The following KIF13B variants were observed in gnomAD, a reference collection of about 807,000 sequenced individuals.
KIF13B encodes the protein kinesin family member 13B, also known as kinesin-like protein KIF13B.
In KIF13B, 127 loss-of-function variants were observed where a neutral mutation model predicts 222.0. The observed-to-expected ratio is 0.57, with a 90% CI of 0.50 to 0.66. The LOEUF is 0.66. KIF13B is among the 30% of genes least tolerant of loss of function. The probability of loss-of-function intolerance (pLI) is 0.00; values close to 1 mark genes in which losing one functional copy is unlikely to be tolerated. For missense variants in KIF13B, 2,173 were observed against 2,379.0 expected (o/e 0.91, Z 1.80); for synonymous variants, 976 against 919.0 (o/e 1.06, Z -1.12).
intron 18 of KIF13B, among the ~76,000 whole-genome samples, chr8:29,142,731 T>C (rs918534961): frequency 3.3e-5 from 5 of 152,050 alleles, no homozygotes; most frequent in African/African-American, 1.2e-4. Flanking sequence ...GCCAGCTACT[T>C]GGGAGGCTGA....
chr8:29,105,329 C>T (rs1016605477), intron 35 of KIF13B, among the ~76,000 whole-genome samples: 8 of 152,146 alleles, frequency 5.3e-5, no homozygotes, highest in African/African-American at 1.9e-4. Flanking sequence ...CAACCTGGTT[C>T]ATCCCCAAGC....
At chr8:29,206,087 C>A (rs1275330589) in intron 2 of KIF13B, among the ~76,000 whole-genome samples, 1 of 151,634 alleles carries the variant, frequency 6.6e-6, no homozygotes, top group South Asian at 2.1e-4. Flanking sequence ...CAAGACCCCA[C>A]CTTTTAAAAA....
intron 36 of KIF13B, among the ~76,000 whole-genome samples, chr8:29,094,968 A>AT (rs1808457445): frequency 8.3e-6 from 1 of 121,044 alleles, no homozygotes; most frequent in Non-Finnish European, 2.0e-5. Context: ...AAATAAAAAG[A>AT]TTAAAAAAAA....
In KIF13B at chr8:29,140,480, G is replaced by A. The variant is rs771478410; in HGVS notation, c.2472C>T (p.Asn824=). ...VKLQYAVPII[N]QKGEVAGRLH... Reference sequence around the variant, plus strand: ...AGAGAAAACCAACCTCTCCTTTCTGGTTGATGATGGGAACAGCGTATTGTA... The same window carrying A: ...AGAGAAAACCAACCTCTCCTTTCTGATTGATGATGGGAACAGCGTATTGTA... Residue 824 remains asparagine, a synonymous_variant, in exon 20 of 40, where the codon AAC becomes AAT. Coordinates refer to ENST00000524189, the MANE Select transcript of KIF13B (RefSeq NM_015254.4). The A allele has an allele frequency of 1.2e-6, 2 of 1,613,472 alleles. No homozygotes were observed. Among genetic ancestry groups the A allele is most frequent in the Non-Finnish European group, 1.7e-6 (2 of 1,179,648 alleles).
At chr8:29,113,165 C>T (rs1318073764) in intron 32 of KIF13B, among the ~76,000 whole-genome samples, 1 of 152,234 alleles carries the variant, frequency 6.6e-6, no homozygotes, top group Non-Finnish European at 1.5e-5. Context: ...ACTGGAATCT[C>T]TATGCTACGC....
chr8:29,248,457 G>C (rs1350253370), intron 1 of KIF13B, among the ~76,000 whole-genome samples: 1 of 152,210 alleles, frequency 6.6e-6, no homozygotes, highest in Non-Finnish European at 1.5e-5. Context: ...ACAGTTTCAC[G>C]TGACTAGGGA....
rs373856268 is a variant in KIF13B at position 29,133,999 on chromosome 8, G to A, written c.2784+41C>T. On this transcript the variant is annotated intron_variant, in intron 22 of 39. Coordinates refer to ENST00000524189, the MANE Select transcript of KIF13B (RefSeq NM_015254.4). ...TTCATTTTCTGTTTTGTTTTCACAT[G>A]AGTAATCTAAATGCTGACCTACTCT... The A allele has an allele frequency of 1.5e-3, 2,417 of 1,572,092 alleles. 19 individuals are homozygous for A. The highest frequency in any genetic ancestry group is 8.9e-3 in the South Asian group (776 of 86,958).
intron 2 of KIF13B, among the ~76,000 whole-genome samples, chr8:29,207,287 T>C (rs1030343332): frequency 1.3e-5 from 2 of 152,178 alleles, no homozygotes; most frequent in Admixed American, 1.3e-4. Context: ...GCCTTTCCCA[T>C]TGTTTGCCCT....
rs1161670585 is a variant in KIF13B, at chr8:29,071,362, G to A, written c.5218+258C>T. Among the ~76,000 whole-genome samples the A allele has an allele frequency of 6.6e-6, 1 of 152,110 alleles. No individual in the cohort carries two copies. Among genetic ancestry groups the A allele is most frequent in the African/African-American group, 2.4e-5 (1 of 41,406 alleles). ...GCAGGGGAGACCGGAACAAAAGCGG[G>A]AACAGCCATGGCGATGGGGGGATGG... is the stretch of plus-strand genomic sequence containing the variant. On this transcript the variant is annotated intron_variant, in intron 39 of 39. Transcript: ENST00000524189. The surrounding 1 kb of genome is among the most constrained non-coding windows in gnomAD (Gnocchi z 4.9).
intron 37 of KIF13B, among the ~76,000 whole-genome samples, chr8:29,091,122 T>G (rs1808280939): frequency 6.6e-6 from 1 of 152,186 alleles, no homozygotes; most frequent in African/African-American, 2.4e-5. Flanking sequence ...CTGGAGTAAA[T>G]GAATAAAAAT....
intron 8 of KIF13B, among the ~76,000 whole-genome samples, chr8:29,178,023 G>A (rs535127118): frequency 1.4e-4 from 21 of 152,258 alleles, no homozygotes; most frequent in African/African-American, 5.1e-4. Context: ...ATAACACACT[G>A]TAAGAAAACT....
intron 2 of KIF13B, among the ~76,000 whole-genome samples, chr8:29,197,076 G>A (rs1270457195): frequency 2.0e-5 from 3 of 151,974 alleles, no homozygotes; most frequent in African/African-American, 7.2e-5. Flanking sequence ...GGTGGCTCAC[G>A]CCTGTAATCC....
intron 23 of KIF13B, 64 bp from the exon 24 acceptor site, chr8:29,130,729 T>C: frequency 1.4e-6 from 2 of 1,452,162 alleles, no homozygotes; most frequent in Non-Finnish European, 1.9e-6. Flanking sequence ...CAGCTTAGGG[T>C]CCTACACACA....
chr8:29,104,029 G>C (rs1025850963), intron 35 of KIF13B, among the ~76,000 whole-genome samples: 1 of 152,058 alleles, frequency 6.6e-6, no homozygotes, highest in Admixed American at 6.5e-5. Context: ...CGAAGCATGT[G>C]GATGGAGTCC....
In KIF13B at chr8:29,096,840, G is replaced by GA. The variant is rs567377761; in HGVS notation, c.4324+2292_4324+2293insT. On this transcript the variant is annotated intron_variant, in intron 36 of 39. Transcript: ENST00000524189. ...CAAACAAATACAGGTGTCCAAAAAA[G>GA]CAAAAAGAGGAAATAAAATGAGATA... Among the ~76,000 whole-genome samples the GA allele has an allele frequency of 1.6e-4, 25 of 151,932 alleles. No homozygotes were observed. The East Asian group carries it at 4.6e-3, about 28-fold the overall frequency.
intron 33 of KIF13B, 71 bp from the exon 34 acceptor site, chr8:29,109,582 G>T (rs994311419): frequency 4.8e-5 from 58 of 1,205,408 alleles, no homozygotes; most frequent in Non-Finnish European, 6.2e-6. Flanking sequence ...ACCATGTACA[G>T]CAGACTTGCA....
At chr8:29,247,395 T>A (rs1586983284) in intron 1 of KIF13B, among the ~76,000 whole-genome samples, 1 of 151,796 alleles carries the variant, frequency 6.6e-6, no homozygotes, top group African/African-American at 2.4e-5. Flanking sequence ...AAAACAAAAA[T>A]TTTTTTTAAT....
chr8:29,155,614 C>G lies in KIF13B; in HGVS notation c.1535+112G>C, dbSNP rs1283151911. The G allele has an allele frequency of 3.4e-6, 3 of 886,096 alleles. No individual in the cohort carries two copies. The Admixed American group carries it at 6.8e-5, about 20-fold the overall frequency. The allele number at this position is 886,096 out of a possible 1,614,324, so 54.9% of individuals were successfully genotyped here. ...AAATGTAAGGGGCCCGCCCAACCAACTGGATTACTTAATGTGGTCAACTTA... is the reference window on the plus strand; with the variant it reads ...AAATGTAAGGGGCCCGCCCAACCAAGTGGATTACTTAATGTGGTCAACTTA... On this transcript the variant is annotated intron_variant, in intron 14 of 39. Coordinates refer to ENST00000524189, the MANE Select transcript of KIF13B (RefSeq NM_015254.4).
intron 21 of KIF13B, among the ~76,000 whole-genome samples, chr8:29,137,155 T>C (rs1810600874): frequency 6.6e-6 from 1 of 151,558 alleles, no homozygotes; most frequent in Non-Finnish European, 1.5e-5. Context: ...GTGACTAAAT[T>C]CCATCTGAAA....
Sources: gnomAD v4.1 joint callset for allele counts (sites outside exome capture counted in the v4.1 genomes callset) on GRCh38, gnomAD v4.1.1 for gene constraint, Gnocchi (gnomAD v3.1) non-coding constraint, MANE v1.5 for transcripts, NCBI Gene and HGNC (gene_info 2026-07-23, HGNC 2026-07-21) for gene names.